TCERG1L: variants seen among roughly 807,000 people sequenced by gnomAD.
TCERG1L encodes the protein transcription elongation regulator 1 like, also known as transcription elongation regulator 1-like protein.
A neutral mutation model predicts 56.3 loss-of-function variants in TCERG1L; 37 were observed. The ratio of observed to expected loss-of-function variants is 0.66; its 90% CI spans 0.51 to 0.87. The LOEUF (loss-of-function observed/expected upper bound fraction) is 0.87, where lower values mean the gene tolerates loss of function less well. TCERG1L is among the 40% of genes least tolerant of loss of function. The probability of loss-of-function intolerance (pLI) is 0.00; values close to 1 mark genes in which losing one functional copy is unlikely to be tolerated. For missense variants in TCERG1L, 799 were observed against 774.2 expected (o/e 1.03, Z -0.38); for synonymous variants, 324 against 326.3 (o/e 0.99, Z 0.08).
chr10:131,133,412 T>C (rs1303084267), intron 8 of TCERG1L, among the ~76,000 whole-genome samples: 1 of 152,156 alleles, frequency 6.6e-6, no homozygotes, highest in Non-Finnish European at 1.5e-5. Context: ...AGGCCTAGGG[T>C]ATCCCATGAG....
chr10:131,094,407 A>G (rs539445812), intron 11 of TCERG1L, among the ~76,000 whole-genome samples: 4 of 152,230 alleles, frequency 2.6e-5, no homozygotes, highest in Non-Finnish European at 5.9e-5. Context: ...TTATTGTGTT[A>G]AATTATTATA....
At chr10:131,134,323 C>T (rs541091875) in intron 8 of TCERG1L, 56 bp downstream of exon 8, 63 of 1,475,850 alleles carry the variant, frequency 4.3e-5, no homozygotes, top group Admixed American at 5.9e-5. Flanking sequence ...TTTCTTTCTA[C>T]ACCACCTGAG....
chr10:131,169,442 C>T (rs1291093762), intron 4 of TCERG1L, among the ~76,000 whole-genome samples: 2 of 152,158 alleles, frequency 1.3e-5, no homozygotes, highest in Non-Finnish European at 2.9e-5. Flanking sequence ...CAAAGCAGGC[C>T]CAAGCGATGG....
At chr10:131,170,248 C>T (rs931091363) in intron 4 of TCERG1L, among the ~76,000 whole-genome samples, 3 of 152,020 alleles carry the variant, frequency 2.0e-5, no homozygotes, top group Non-Finnish European at 4.4e-5. Context: ...TACGGCTCTC[C>T]GGGGGCCACT....
intron 4 of TCERG1L, among the ~76,000 whole-genome samples, chr10:131,196,345 C>T (rs7087933): frequency 0.26 from 39,742 of 152,018 alleles, 5,583 homozygotes; most frequent in East Asian, 0.48. Flanking sequence ...AGCCGCGTCG[C>T]TCAGTGACCC....
intron 8 of TCERG1L, among the ~76,000 whole-genome samples, chr10:131,126,403 A>G (rs1286051476): frequency 1.3e-5 from 2 of 152,116 alleles, no homozygotes; most frequent in African/African-American, 4.8e-5. Context: ...CTCCCAGCTG[A>G]GGTTTATGAG....
chr10:131,099,156 A>G (rs1264404470), intron 10 of TCERG1L, among the ~76,000 whole-genome samples: 2 of 152,172 alleles, frequency 1.3e-5, no homozygotes, highest in African/African-American at 2.4e-5. Flanking sequence ...TGCTGCCCCA[A>G]ACAGGAAAAC....
chr10:131,301,114 T>C (rs1234926698), intron 3 of TCERG1L, among the ~76,000 whole-genome samples: 4 of 152,048 alleles, frequency 2.6e-5, no homozygotes, highest in Admixed American at 1.3e-4. Flanking sequence ...CCACCAGTGA[T>C]AGGGTGTTAT....
At chr10:131,302,591 T>G (rs1048449620) in intron 3 of TCERG1L, among the ~76,000 whole-genome samples, 5 of 149,314 alleles carry the variant, frequency 3.3e-5, no homozygotes, top group Non-Finnish European at 7.4e-5. Context: ...ATCTTTTACT[T>G]CCAGGCCCTC....
At chr10:131,098,141 T>C (rs545576916) in intron 11 of TCERG1L, among the ~76,000 whole-genome samples, 165 bp downstream of exon 11, 88 of 152,290 alleles carry the variant, frequency 5.8e-4, no homozygotes, top group African/African-American at 2.1e-3. Context: ...GGCAGCATGA[T>C]AGAGGGGAGC....
intron 8 of TCERG1L, among the ~76,000 whole-genome samples, chr10:131,125,998 T>C (rs1368454769): frequency 1.3e-5 from 2 of 152,072 alleles, no homozygotes; most frequent in African/African-American, 4.8e-5. Flanking sequence ...CGATCATGAG[T>C]TCCCAGCTGG....
chr10:131,225,845 G>T (rs1460090328), intron 4 of TCERG1L, among the ~76,000 whole-genome samples: 1 of 152,162 alleles, frequency 6.6e-6, no homozygotes, highest in African/African-American at 2.4e-5. Flanking sequence ...CAAAATTAGA[G>T]ACTTCTGTTC....
chr10:131,104,645 A>T (rs1189158663), intron 9 of TCERG1L, among the ~76,000 whole-genome samples: 1 of 152,204 alleles, frequency 6.6e-6, no homozygotes, highest in Non-Finnish European at 1.5e-5. Flanking sequence ...GAGGCGTGGC[A>T]TTCTGGAACA....
intron 3 of TCERG1L, among the ~76,000 whole-genome samples, chr10:131,272,421 T>C (rs10829967): frequency 0.44 from 66,572 of 152,080 alleles, 14,865 homozygotes; most frequent in East Asian, 0.7. Context: ...AAGTTTTGAA[T>C]GTGCCAAATA....
chr10:131,273,844 C>A (rs1846366005), intron 3 of TCERG1L, among the ~76,000 whole-genome samples: 1 of 152,140 alleles, frequency 6.6e-6, no homozygotes, highest in South Asian at 2.1e-4. Context: ...GCCGGGAAGC[C>A]CCACTTCTCT....
chr10:131,156,514 C>G (rs1845924753), intron 6 of TCERG1L, among the ~76,000 whole-genome samples: 1 of 152,066 alleles, frequency 6.6e-6, no homozygotes, highest in Admixed American at 6.6e-5. Flanking sequence ...GGAGACCACC[C>G]TTCATACTGT....
intron 6 of TCERG1L, among the ~76,000 whole-genome samples, chr10:131,157,371 C>T (rs1048625999): frequency 2.6e-5 from 4 of 152,042 alleles, no homozygotes; most frequent in Admixed American, 2.0e-4. Flanking sequence ...GCTAACTACT[C>T]GTAAATCTAT....
At chr10:131,275,062 C>A (rs1846378459) in intron 3 of TCERG1L, among the ~76,000 whole-genome samples, 1 of 152,186 alleles carries the variant, frequency 6.6e-6, no homozygotes, top group Admixed American at 6.5e-5. Flanking sequence ...GCCCACATTG[C>A]CCTGCTCTCA....
At chr10:131,271,241 G>A (rs972239718) in intron 3 of TCERG1L, among the ~76,000 whole-genome samples, 1 of 152,192 alleles carries the variant, frequency 6.6e-6, no homozygotes, top group African/African-American at 2.4e-5. Context: ...CAGTAGGGTG[G>A]GAGCCCGGTG....
Sources: gnomAD v4.1 joint callset for allele counts (sites outside exome capture counted in the v4.1 genomes callset) on GRCh38, gnomAD v4.1.1 for gene constraint, MANE v1.5 for transcripts, NCBI Gene and HGNC (gene_info 2026-07-23, HGNC 2026-07-21) for gene names.